Variants in NTM observed in about 807,000 individuals in gnomAD.
NTM encodes IgLON family member 2.
NTM carries 13 observed loss-of-function variants against 42.1 expected under a neutral mutation model. The observed-to-expected ratio is 0.31, with a 90% CI of 0.20 to 0.49. The LOEUF is 0.49. Among genes scored for constraint, NTM ranks in the 20% least tolerant of loss-of-function variants. NTM has a pLI of 0.99. For synonymous variants in NTM, 187 were observed against 179.2 expected (o/e 1.04, Z -0.35); for missense variants, 373 against 452.8 (o/e 0.82, Z 1.60).
chr11:132,227,971 A>T (rs1224543558), intron 4 of NTM, among the ~76,000 whole-genome samples: 1 of 152,128 alleles, frequency 6.6e-6, no homozygotes, highest in Non-Finnish European at 1.5e-5. Flanking sequence ...AGTCCTCAAT[A>T]TTTAACCCTG....
chr11:132,155,297 G>A (rs958651362), intron 3 of NTM, among the ~76,000 whole-genome samples: 3 of 152,110 alleles, frequency 2.0e-5, no homozygotes, highest in African/African-American at 7.2e-5. Context: ...CCCATAATTC[G>A]ATTTGGAGAA....
chr11:132,254,258 C>A (rs1280628306), intron 4 of NTM, among the ~76,000 whole-genome samples: 1 of 152,108 alleles, frequency 6.6e-6, no homozygotes, highest in African/African-American at 2.4e-5. Context: ...TGTCTCCCCG[C>A]AACCCGTCTT....
chr11:132,230,554 G>A (rs1240591740), intron 4 of NTM, among the ~76,000 whole-genome samples: 2 of 152,166 alleles, frequency 1.3e-5, no homozygotes, highest in Non-Finnish European at 2.9e-5. Flanking sequence ...GAACCTCAAC[G>A]CTCCCTTTCT....
intron 2 of NTM, among the ~76,000 whole-genome samples, chr11:131,928,113 C>T (rs1472505899): frequency 1.3e-5 from 2 of 151,834 alleles, no homozygotes; most frequent in African/African-American, 4.8e-5. Flanking sequence ...CAAAAATCAT[C>T]ACCATAATAT....
At chr11:131,533,254 T>C (rs763274099) in intron 1 of NTM, among the ~76,000 whole-genome samples, 1 of 152,196 alleles carries the variant, frequency 6.6e-6, no homozygotes, top group Non-Finnish European at 1.5e-5. Context: ...AAATCATACT[T>C]TGTGAAAGCC....
At chr11:131,835,576 A>T (rs2043383424) in intron 1 of NTM, among the ~76,000 whole-genome samples, 1 of 152,170 alleles carries the variant, frequency 6.6e-6, no homozygotes, top group African/African-American at 2.4e-5. Flanking sequence ...ACATTAAAAA[A>T]AACTGGCAAT....
chr11:132,091,197 C>T (rs2060335031), intron 2 of NTM, among the ~76,000 whole-genome samples: 4 of 152,098 alleles, frequency 2.6e-5, no homozygotes, highest in Admixed American at 2.0e-4. Flanking sequence ...CGAAACCAGC[C>T]TGATCAACAT....
At chr11:131,911,163 A>G (rs1303403570) in intron 1 of NTM, 1 of 1,307,126 alleles carries the variant, frequency 7.7e-7, no homozygotes, top group South Asian at 1.7e-5. Flanking sequence ...GGCTCCTGAG[A>G]CGCGCCCACA....
At chr11:132,068,885 T>G (rs775530444) in intron 2 of NTM, among the ~76,000 whole-genome samples, 1 of 152,230 alleles carries the variant, frequency 6.6e-6, no homozygotes, top group Non-Finnish European at 1.5e-5. Flanking sequence ...TTTCAGCTGA[T>G]TGGGTGAGAC....
intron 1 of NTM, among the ~76,000 whole-genome samples, chr11:131,698,886 A>G (rs576301616): frequency 6.6e-6 from 1 of 152,324 alleles, no homozygotes; most frequent in Admixed American, 6.5e-5. Context: ...GCTTTTTTCA[A>G]ATCTCTCTCT....
At chr11:131,429,018 G>T (rs1001395321) in intron 1 of NTM, among the ~76,000 whole-genome samples, 6 of 152,046 alleles carry the variant, frequency 3.9e-5, no homozygotes, top group African/African-American at 1.4e-4. Context: ...TCGTGCAGCT[G>T]CACTCCAGCC....
chr11:131,902,571 T>G (rs1259234910), intron 1 of NTM, among the ~76,000 whole-genome samples: 1 of 152,218 alleles, frequency 6.6e-6, no homozygotes, highest in East Asian at 1.9e-4. Context: ...TTAACTCAGT[T>G]TGAACACTAA....
intron 1 of NTM, among the ~76,000 whole-genome samples, chr11:131,392,517 C>A (rs1047396670): frequency 6.6e-6 from 1 of 152,228 alleles, no homozygotes; most frequent in Non-Finnish European, 1.5e-5. Flanking sequence ...ACCTCCCTGG[C>A]TCATGGGTGA....
intron 4 of NTM, among the ~76,000 whole-genome samples, chr11:132,218,925 A>G (rs544644522): frequency 1.3e-5 from 2 of 152,164 alleles, no homozygotes; most frequent in Non-Finnish European, 2.9e-5. Context: ...ATTCCCTTGC[A>G]CTACTCACTG....
chr11:131,832,392 G>A (rs2136554043), intron 1 of NTM, among the ~76,000 whole-genome samples: 1 of 152,138 alleles, frequency 6.6e-6, no homozygotes. Flanking sequence ...AAAAACCATG[G>A]ATACCCTGAG....
intron 1 of NTM, among the ~76,000 whole-genome samples, chr11:131,465,401 G>T: frequency 6.6e-6 from 1 of 152,154 alleles, no homozygotes; most frequent in East Asian, 1.9e-4. Context: ...GAAAAATCCA[G>T]GTTTCTTTTT....
intron 1 of NTM, among the ~76,000 whole-genome samples, chr11:131,865,392 T>C (rs544473): frequency 0.67 from 102,188 of 152,140 alleles, 34,988 homozygotes; most frequent in East Asian, 0.88. Flanking sequence ...CCCCTGAATG[T>C]GTTGTATTTA....
At chr11:131,552,071 C>T (rs1468305490) in intron 1 of NTM, among the ~76,000 whole-genome samples, 1 of 151,878 alleles carries the variant, frequency 6.6e-6, no homozygotes, top group African/African-American at 2.4e-5. Context: ...CTAGGTAACA[C>T]AGAGAGGCAA....
chr11:131,433,256 A>G (rs1422383784), intron 1 of NTM, among the ~76,000 whole-genome samples: 2 of 152,204 alleles, frequency 1.3e-5, no homozygotes, highest in Admixed American at 6.5e-5. Flanking sequence ...CAGTATTCAA[A>G]TTATAAATAT....
Sources: gnomAD v4.1 joint callset for allele counts (sites outside exome capture counted in the v4.1 genomes callset) on GRCh38, gnomAD v4.1.1 for gene constraint, MANE v1.5 for transcripts, NCBI Gene and HGNC (gene_info 2026-07-23, HGNC 2026-07-21) for gene names.